The following MACROD2 variants were observed in gnomAD, a reference collection of about 807,000 sequenced individuals.
MACROD2 encodes the protein ADP-ribose glycohydrolase MACROD2.
A neutral mutation model predicts 70.4 loss-of-function variants in MACROD2; 36 were observed. The observed-to-expected ratio is 0.51, with a 90% CI of 0.39 to 0.68. The LOEUF (loss-of-function observed/expected upper bound fraction) is 0.68. MACROD2 is among the 30% of genes least tolerant of loss of function. The pLI, the probability that MACROD2 is intolerant of heterozygous loss-of-function variation, is 0.00. For synonymous variants in MACROD2, 172 were observed against 178.8 expected (o/e 0.96, Z 0.30); for missense variants, 496 against 538.4 (o/e 0.92, Z 0.78).
intron 8 of MACROD2, among the ~76,000 whole-genome samples, chr20:15,704,427 A>G (rs969921712): frequency 1.3e-5 from 2 of 152,260 alleles, no homozygotes; most frequent in African/African-American, 4.8e-5. Flanking sequence ...AGGCATTGAA[A>G]AAAAACCCTC....
At chr20:15,320,586 A>G (rs1293284230) in intron 6 of MACROD2, among the ~76,000 whole-genome samples, 1 of 152,220 alleles carries the variant, frequency 6.6e-6, no homozygotes, top group East Asian at 1.9e-4. Flanking sequence ...TATCACCACA[A>G]CAAATTGTTG....
At chr20:15,844,292 C>T (rs1316651196) in intron 8 of MACROD2, among the ~76,000 whole-genome samples, 1 of 152,042 alleles carries the variant, frequency 6.6e-6, no homozygotes, top group Non-Finnish European at 1.5e-5. Flanking sequence ...TCCCTGCAGT[C>T]AGGAAGCTTA....
intron 7 of MACROD2, among the ~76,000 whole-genome samples, chr20:15,451,601 G>A (rs2046644716): frequency 6.6e-6 from 1 of 151,956 alleles, no homozygotes; most frequent in Admixed American, 6.6e-5. Context: ...TGGCAATCCA[G>A]TTCTCCATTT....
chr20:14,864,263 T>C (rs188099375), intron 5 of MACROD2, among the ~76,000 whole-genome samples: 157 of 152,278 alleles, frequency 1.0e-3, no homozygotes, highest in African/African-American at 3.6e-3. Context: ...AATCTGACTT[T>C]TGTCTTTCTC....
chr20:15,476,676 A>T (rs1460474406), intron 7 of MACROD2, among the ~76,000 whole-genome samples: 1 of 152,118 alleles, frequency 6.6e-6, no homozygotes, highest in East Asian at 1.9e-4. Context: ...ATAACTATTC[A>T]TTCAATTGGA....
At chr20:15,823,481 A>G (rs576376336) in intron 8 of MACROD2, among the ~76,000 whole-genome samples, 2 of 152,332 alleles carry the variant, frequency 1.3e-5, no homozygotes, top group East Asian at 1.9e-4. Context: ...TAAAAGCACT[A>G]CTTCTTCAAT....
chr20:15,466,419 G>A (rs2046889254), intron 7 of MACROD2, among the ~76,000 whole-genome samples: 1 of 152,152 alleles, frequency 6.6e-6, no homozygotes, highest in Admixed American at 6.5e-5. Context: ...GGCAAAGGCT[G>A]GTAAAAGAAC....
chr20:14,940,148 C>CAAA (rs57697517), intron 5 of MACROD2, among the ~76,000 whole-genome samples: 8,829 of 54,958 alleles, frequency 0.16, 1,081 homozygotes, highest in Non-Finnish European at 0.28. Flanking sequence ...CTCATCTCTG[C>CAAA]AAAAAAAAAA....
intron 5 of MACROD2, among the ~76,000 whole-genome samples, chr20:15,026,156 G>T (rs955322410): frequency 6.6e-6 from 1 of 152,094 alleles, no homozygotes; most frequent in South Asian, 2.1e-4. Flanking sequence ...AAGCTTCCCT[G>T]GTCTCTTTCC....
intron 4 of MACROD2, among the ~76,000 whole-genome samples, chr20:14,521,159 T>C (rs977393089): frequency 6.6e-6 from 1 of 152,228 alleles, no homozygotes; most frequent in South Asian, 2.1e-4. Flanking sequence ...CTCTTCCATA[T>C]GCTTTCTAAA....
At chr20:14,638,228 G>C (rs994849334) in intron 4 of MACROD2, among the ~76,000 whole-genome samples, 2 of 151,872 alleles carry the variant, frequency 1.3e-5, no homozygotes, top group Non-Finnish European at 2.9e-5. Context: ...TCATTTTTAT[G>C]GTATCAGATG....
chr20:14,344,008 G>C (rs1380674645), intron 3 of MACROD2, among the ~76,000 whole-genome samples: 6 of 152,122 alleles, frequency 3.9e-5, no homozygotes, highest in Admixed American at 2.0e-4. Flanking sequence ...TTCTGAAATT[G>C]TCAGATTTTT....
At chr20:14,485,526 C>A (rs543703254) in intron 3 of MACROD2, among the ~76,000 whole-genome samples, 1 of 151,936 alleles carries the variant, frequency 6.6e-6, no homozygotes, top group East Asian at 1.9e-4. Flanking sequence ...ACGGTGAAAC[C>A]CCGTCTCTAC....
chr20:14,954,500 AATT>A (rs907047405), intron 5 of MACROD2, among the ~76,000 whole-genome samples: 19 of 141,456 alleles, frequency 1.3e-4, no homozygotes, highest in African/African-American at 2.6e-4. Context: ...AATTATATAT[AATT>A]ATTATTATAT....
chr20:15,879,745 A>G (rs2064727605), intron 9 of MACROD2, among the ~76,000 whole-genome samples: 1 of 152,096 alleles, frequency 6.6e-6, no homozygotes, highest in African/African-American at 2.4e-5. Context: ...CAAATGGCCC[A>G]TATGATTATG....
At chr20:15,066,122 T>C (rs1404516516) in intron 5 of MACROD2, among the ~76,000 whole-genome samples, 13 of 151,054 alleles carry the variant, frequency 8.6e-5, no homozygotes, top group South Asian at 6.3e-4. Context: ...TTTTTTTTTT[T>C]TATTTTTAAT....
chr20:14,290,197 T>A (rs2082374816), intron 3 of MACROD2, among the ~76,000 whole-genome samples: 1 of 152,188 alleles, frequency 6.6e-6, no homozygotes, highest in Non-Finnish European at 1.5e-5. Flanking sequence ...AACAAAATAA[T>A]CTGTACACCA....
chr20:15,028,139 C>T (rs2075247802), intron 5 of MACROD2, among the ~76,000 whole-genome samples: 1 of 152,220 alleles, frequency 6.6e-6, no homozygotes, highest in Non-Finnish European at 1.5e-5. Flanking sequence ...GCCTAGGGCA[C>T]TGCCCCTGGA....
rs201011289 is a variant in MACROD2 at position 14,333,659 on chromosome 20, G to T, written c.272-159820G>T. Among the ~76,000 whole-genome samples the T allele has an allele frequency of 2.0e-5, 3 of 152,152 alleles. No homozygotes were observed. In the East Asian group the frequency reaches 5.8e-4, roughly 29 times the overall value. On this transcript the variant is annotated intron_variant, in intron 3 of 17. Transcript: ENST00000684519. ...AGTGTGGGTACAACTTGGTTGATGT[G>T]CTTTAAATTTCTAATATTTAAGTTT...
Sources: gnomAD v4.1 joint callset for allele counts (sites outside exome capture counted in the v4.1 genomes callset) on GRCh38, gnomAD v4.1.1 for gene constraint, MANE v1.5 for transcripts, NCBI Gene and HGNC (gene_info 2026-07-23, HGNC 2026-07-21) for gene names.